Variants in CNTNAP5 observed in about 807,000 individuals in gnomAD.
CNTNAP5 encodes the protein contactin associated protein family member 5.
Under a neutral mutation model 150.2 loss-of-function variants are expected in CNTNAP5, and 72 were observed. The observed-to-expected ratio is 0.48, with a 90% CI of 0.40 to 0.58. CNTNAP5 has a LOEUF of 0.58. Ranked by LOEUF, CNTNAP5 falls within the 20% of genes least tolerant of loss-of-function variation. The pLI is 0.00. For synonymous variants in CNTNAP5, 672 were observed against 619.8 expected, an observed-to-expected ratio of 1.08 and a Z score of -1.25; for missense variants, 1,636 against 1,626.2, an observed-to-expected ratio of 1.01 and a Z score of -0.10.
intron 10 of CNTNAP5, among the ~76,000 whole-genome samples, chr2:124,533,026 T>G (rs1695145930): frequency 6.6e-6 from 1 of 152,052 alleles, no homozygotes; most frequent in Non-Finnish European, 1.5e-5. Context: ...ATGTGAATAT[T>G]TCACATTTGT....
Position 124,279,631 on chromosome 2 carries a change from T to C in CNTNAP5, c.381+37238T>C, listed in dbSNP as rs553372720. On this transcript the variant is annotated intron_variant, in intron 3 of 23. Coordinates refer to ENST00000682447, the MANE Select transcript of CNTNAP5 (RefSeq NM_001367498.1). ...TTTTACTTATCAGGGGATCCAACCA[T>C]AACCTCTCTGGAACCTAACTAGGGA... Among the ~76,000 whole-genome samples, 5 of 152,228 alleles carry C rather than the reference T, an allele frequency of 3.3e-5. No homozygotes were observed. In the East Asian group the frequency reaches 9.7e-4, roughly 29 times the overall value.
intron 13 of CNTNAP5, among the ~76,000 whole-genome samples, chr2:124,696,555 G>C (rs1679410477): frequency 6.6e-6 from 1 of 152,112 alleles, no homozygotes; most frequent in South Asian, 2.1e-4. Flanking sequence ...GCCTGTCTAA[G>C]TCACTGAGTC....
intron 13 of CNTNAP5, among the ~76,000 whole-genome samples, chr2:124,664,616 CAT>C (rs1483704470): frequency 2.6e-5 from 4 of 152,192 alleles, no homozygotes; most frequent in African/African-American, 9.7e-5. Context: ...GGGAATGACA[CAT>C]GTCACTTCTG....
intron 8 of CNTNAP5, among the ~76,000 whole-genome samples, chr2:124,518,271 A>G (rs1694776255): frequency 6.6e-6 from 1 of 152,180 alleles, no homozygotes. Context: ...GACATATTAT[A>G]TGCTCTGTAA....
intron 10 of CNTNAP5, among the ~76,000 whole-genome samples, chr2:124,552,949 A>T (rs1227489034): frequency 3.3e-5 from 5 of 152,194 alleles, no homozygotes; most frequent in African/African-American, 9.6e-5. Context: ...ATGGTAGATT[A>T]TCTATTAATT....
At chr2:124,204,774 C>T (rs992513324) in intron 1 of CNTNAP5, among the ~76,000 whole-genome samples, 6 of 151,932 alleles carry the variant, frequency 3.9e-5, no homozygotes, top group African/African-American at 1.5e-4. Flanking sequence ...AAAATCCCAC[C>T]CCCACCATTC....
intron 13 of CNTNAP5, among the ~76,000 whole-genome samples, chr2:124,734,125 T>A (rs949677517): frequency 3.3e-5 from 5 of 152,046 alleles, no homozygotes; most frequent in African/African-American, 1.2e-4. Context: ...CATTTGTGTA[T>A]AAGCAATAGA....
chr2:124,212,144 C>A (rs532047149), intron 1 of CNTNAP5, among the ~76,000 whole-genome samples: 21 of 152,268 alleles, frequency 1.4e-4, no homozygotes, highest in Admixed American at 3.9e-4. Flanking sequence ...TGGACAATGA[C>A]CTTTTTAAAA....
chr2:124,435,210 C>A (rs984391401), intron 5 of CNTNAP5, among the ~76,000 whole-genome samples: 7 of 152,076 alleles, frequency 4.6e-5, no homozygotes, highest in Non-Finnish European at 7.4e-5. Context: ...CCAGAGTAAG[C>A]CCCAGACTCA....
At chr2:124,695,534 A>G (rs1679388057) in intron 13 of CNTNAP5, among the ~76,000 whole-genome samples, 1 of 152,152 alleles carries the variant, frequency 6.6e-6, no homozygotes, top group African/African-American at 2.4e-5. Flanking sequence ...AAATACAATC[A>G]CTGTTTTGAG....
chr2:124,087,616 G>A (rs186761914), intron 1 of CNTNAP5, among the ~76,000 whole-genome samples: 1 of 151,788 alleles, frequency 6.6e-6, no homozygotes, highest in South Asian at 2.1e-4. Context: ...TAGCTACTAG[G>A]GAGGCTGAGG....
At chr2:124,516,642 T>G (rs1694725580) in intron 8 of CNTNAP5, among the ~76,000 whole-genome samples, 1 of 152,234 alleles carries the variant, frequency 6.6e-6, no homozygotes, top group African/African-American at 2.4e-5. Flanking sequence ...GCTGTCTTTT[T>G]GCTCTTGTGT....
intron 1 of CNTNAP5, among the ~76,000 whole-genome samples, chr2:124,106,411 A>G (rs1683174287): frequency 6.6e-6 from 1 of 152,158 alleles, no homozygotes; most frequent in Non-Finnish European, 1.5e-5. Context: ...CCGACCTCCC[A>G]ACCTCTGGGC....
chr2:124,111,217 A>G (rs1285114277), intron 1 of CNTNAP5, among the ~76,000 whole-genome samples: 3 of 152,186 alleles, frequency 2.0e-5, no homozygotes, highest in Non-Finnish European at 2.9e-5. Flanking sequence ...GCAAAGGAAG[A>G]ACACAAAAAG....
chr2:124,271,371 C>A (rs1687747093), intron 3 of CNTNAP5, among the ~76,000 whole-genome samples: 1 of 151,998 alleles, frequency 6.6e-6, no homozygotes, highest in Non-Finnish European at 1.5e-5. Context: ...CATGTCTGGG[C>A]CAGGAGACTG....
chr2:124,814,819 T>C (rs1347581479), intron 19 of CNTNAP5, among the ~76,000 whole-genome samples: 1 of 152,212 alleles, frequency 6.6e-6, no homozygotes, highest in Non-Finnish European at 1.5e-5. Flanking sequence ...ATAGATATTT[T>C]TCTTCTCAAA....
At chr2:124,572,406 C>G (rs1558959609) in intron 11 of CNTNAP5, among the ~76,000 whole-genome samples, 1 of 152,060 alleles carries the variant, frequency 6.6e-6, no homozygotes, top group African/African-American at 2.4e-5. Flanking sequence ...ACAACAAACC[C>G]CCATGACACG....
intron 3 of CNTNAP5, among the ~76,000 whole-genome samples, chr2:124,316,381 A>T (rs1688960201): frequency 6.6e-6 from 1 of 152,138 alleles, no homozygotes; most frequent in Non-Finnish European, 1.5e-5. Context: ...TTAGCACATG[A>T]GTGAATTGGT....
chr2:124,454,564 T>C (rs1574005582), intron 6 of CNTNAP5, among the ~76,000 whole-genome samples: 1 of 152,234 alleles, frequency 6.6e-6, no homozygotes, highest in East Asian at 1.9e-4. Context: ...GATATTTACA[T>C]AACATTCCAC....
Sources: gnomAD v4.1 joint callset for allele counts (sites outside exome capture counted in the v4.1 genomes callset) on GRCh38, gnomAD v4.1.1 for gene constraint, MANE v1.5 for transcripts, NCBI Gene and HGNC (gene_info 2026-07-23, HGNC 2026-07-21) for gene names.